Variants in CDYL observed in about 807,000 individuals in gnomAD.
CDYL encodes the protein chromodomain Y like.
In CDYL, 8 loss-of-function variants were observed where a neutral mutation model predicts 47.3. The observed-to-expected ratio is 0.17, with a 90% CI of 0.10 to 0.31. The LOEUF is 0.31. CDYL is among the 10% of genes least tolerant of loss of function. The pLI is 1.00. For missense variants in CDYL, 471 were observed against 701.4 expected, an observed-to-expected ratio of 0.67 and a Z score of 3.71; for synonymous variants, 266 against 265.0, an observed-to-expected ratio of 1.00 and a Z score of -0.04.
At chr6:4,848,051 G>A (rs1760713114) in intron 1 of CDYL, among the ~76,000 whole-genome samples, 1 of 152,176 alleles carries the variant, frequency 6.6e-6, no homozygotes, top group African/African-American at 2.4e-5. Flanking sequence ...GTTGAAATGG[G>A]AAAATATTAC....
intron 3 of CDYL, among the ~76,000 whole-genome samples, chr6:4,766,260 A>C (rs375960065): frequency 6.6e-6 from 1 of 152,038 alleles, no homozygotes; most frequent in African/African-American, 2.4e-5. Flanking sequence ...CCCAGGCTGG[A>C]GTGCAATGGC....
chr6:4,741,534 G>A (rs1372810512), intron 3 of CDYL, among the ~76,000 whole-genome samples: 1 of 152,132 alleles, frequency 6.6e-6, no homozygotes, highest in Non-Finnish European at 1.5e-5. Flanking sequence ...GATGCTTGCT[G>A]AAGCTCCCCC....
At chr6:4,799,367 A>G (rs1472859207) in intron 1 of CDYL, among the ~76,000 whole-genome samples, 2 of 152,200 alleles carry the variant, frequency 1.3e-5, no homozygotes, top group East Asian at 3.8e-4. Flanking sequence ...AAAAGATTAT[A>G]TAATTCTCTG....
chr6:4,775,309 A>T (rs577175281), upstream of CDYL: 2 of 152,072 alleles, frequency 1.3e-5, no homozygotes, highest in Admixed American at 1.3e-4. This position sits in a 1 kb window ranked among gnomAD's most constrained non-coding sequence, Gnocchi z 7.0. Context: ...TGTCTGGGGG[A>T]GTTGGGTCAG....
intron 3 of CDYL, among the ~76,000 whole-genome samples, chr6:4,746,912 T>A (rs549559510): frequency 1.3e-5 from 2 of 152,282 alleles, no homozygotes; most frequent in Middle Eastern, 6.8e-3. Context: ...TTGGGGGTCC[T>A]GCTCCATGCT....
At chr6:4,916,874 G>A (rs1484010090) in intron 2 of CDYL, among the ~76,000 whole-genome samples, 2 of 152,340 alleles carry the variant, frequency 1.3e-5, no homozygotes, top group Admixed American at 6.5e-5. Context: ...GCCTGGCCAC[G>A]TGCACGGCCC....
At chr6:4,842,038 TTA>T (rs1156803851) in intron 1 of CDYL, among the ~76,000 whole-genome samples, 69 of 144,888 alleles carry the variant, frequency 4.8e-4, no homozygotes, top group South Asian at 6.3e-4. Flanking sequence ...AATATATAAT[TTA>T]TATATATTAT....
intron 2 of CDYL, among the ~76,000 whole-genome samples, chr6:4,909,579 T>C (rs1437445155): frequency 6.6e-6 from 1 of 152,108 alleles, no homozygotes; most frequent in East Asian, 1.9e-4. Flanking sequence ...CTTTTTTTTG[T>C]TTGTTTTTGA....
At chr6:4,944,989 G>A (rs1249728633) in intron 5 of CDYL, among the ~76,000 whole-genome samples, 1 of 152,120 alleles carries the variant, frequency 6.6e-6, no homozygotes, top group Non-Finnish European at 1.5e-5. Flanking sequence ...CAGACTGGGG[G>A]GCAGTCTGCA....
chr6:4,949,650 G>C (rs888388013), intron 5 of CDYL, among the ~76,000 whole-genome samples: 35 of 152,220 alleles, frequency 2.3e-4, no homozygotes, highest in African/African-American at 7.7e-4. Context: ...AGCTGGTCAG[G>C]TTCCCACCGC....
intron 1 of CDYL, among the ~76,000 whole-genome samples, chr6:4,857,701 G>A (rs1047815501): frequency 6.6e-6 from 1 of 152,188 alleles, no homozygotes; most frequent in African/African-American, 2.4e-5. Flanking sequence ...TCTTCTGTCT[G>A]TTTCAATACA....
chr6:4,935,468 C>A, intron 2 of CDYL, 47 bp from the exon 3 acceptor site: 1 of 1,525,470 alleles, frequency 6.6e-7, no homozygotes, highest in Non-Finnish European at 9.1e-7. Flanking sequence ...TGGGAGTGAA[C>A]TGGTGGTGGG....
At chr6:4,917,466 A>G (rs1183156396) in intron 2 of CDYL, among the ~76,000 whole-genome samples, 1 of 152,212 alleles carries the variant, frequency 6.6e-6, no homozygotes, top group Non-Finnish European at 1.5e-5. Flanking sequence ...AGGGAGGTCT[A>G]TAATGTATAC....
intron 1 of CDYL, among the ~76,000 whole-genome samples, chr6:4,798,339 G>C (rs1759133618): frequency 6.6e-6 from 1 of 152,132 alleles, no homozygotes; most frequent in Non-Finnish European, 1.5e-5. Context: ...TTTGTCTAAA[G>C]ATAATTGCAC....
At chr6:4,806,074 G>C (rs766042310) in intron 1 of CDYL, among the ~76,000 whole-genome samples, 3 of 152,240 alleles carry the variant, frequency 2.0e-5, no homozygotes, top group Non-Finnish European at 4.4e-5. Flanking sequence ...CAGGGAGCGG[G>C]TGTACATGCC....
chr6:4,734,656 G>A, intron 2 of CDYL: 11 of 1,473,990 alleles, frequency 7.5e-6, no homozygotes, highest in Non-Finnish European at 9.2e-6. Context: ...TCAGGAAGGG[G>A]AGGGCACAGG....
chr6:4,846,894 T>C (rs1216519870), intron 1 of CDYL, among the ~76,000 whole-genome samples: 1 of 152,190 alleles, frequency 6.6e-6, no homozygotes, highest in Non-Finnish European at 1.5e-5. Context: ...AATTAAACTT[T>C]TCTGTAATTT....
intron 2 of CDYL, among the ~76,000 whole-genome samples, chr6:4,722,904 TG>T (rs1561823341): frequency 6.6e-6 from 1 of 152,138 alleles, no homozygotes; most frequent in South Asian, 2.1e-4. Context: ...CCCACAGTCC[TG>T]GGAACACCCC....
chr6:4,952,343 T>C lies in CDYL; in HGVS notation c.1410T>C (p.Phe470=). ...GCAAGGGCCTGGTCTCCCAGGTGTT[T>C]TGGCCCGGGACGTTCACTCAGGAAG... ...ACGKGLVSQV[F]WPGTFTQEVM... is the part of the protein sequence containing the mutation. The change falls in exon 6 of 7, where the codon TTT becomes TTC. Residue 470 remains phenylalanine (F), a synonymous_variant. Transcript: ENST00000397588. 1 of 1,614,234 alleles carries C rather than the reference T, an allele frequency of 6.2e-7. No individual in the cohort carries two copies. The highest frequency in any genetic ancestry group is 8.5e-7 in the Non-Finnish European group (1 of 1,180,028).
Sources: allele counts gnomAD v4.1 joint callset (sites outside exome capture counted in the v4.1 genomes callset), GRCh38; gene constraint gnomAD v4.1.1; non-coding constraint Gnocchi (gnomAD v3.1); transcripts MANE v1.5; gene names NCBI Gene and HGNC (gene_info 2026-07-23, HGNC 2026-07-21).